FUBP1: variants seen among roughly 807,000 people sequenced by gnomAD.
The protein encoded by FUBP1 is far upstream element-binding protein 1.
Under a neutral mutation model 94.9 loss-of-function variants are expected in FUBP1, and 16 were observed. That is an observed-to-expected ratio of 0.17 (90% CI 0.11 to 0.26). The LOEUF (loss-of-function observed/expected upper bound fraction) is 0.26, where lower values mean the gene tolerates loss of function less well. Ranked by LOEUF, FUBP1 falls within the 10% of genes least tolerant of loss-of-function variation. FUBP1 has a pLI of 1.00. For missense variants in FUBP1, 583 were observed against 808.6 expected (o/e 0.72, Z 3.38); for synonymous variants, 279 against 254.9 (o/e 1.09, Z -0.90).
chr1:77,969,233 T>C, intron 2 of FUBP1: 1 of 242,756 alleles, frequency 4.1e-6, no homozygotes, highest in Non-Finnish European at 9.3e-6. Context: ...TACAAATACA[T>C]TCTATAGCCT....
intron 16 of FUBP1, among the ~76,000 whole-genome samples, chr1:77,959,581 T>C (rs867299199): frequency 1.3e-5 from 2 of 152,226 alleles, no homozygotes; most frequent in Non-Finnish European, 1.5e-5. Context: ...GATCCCATTC[T>C]GTTGCCCAGG....
At chr1:77,971,920 G>A (rs1657616757) in intron 1 of FUBP1, among the ~76,000 whole-genome samples, 1 of 149,878 alleles carries the variant, frequency 6.7e-6, no homozygotes, top group Non-Finnish European at 1.5e-5. Flanking sequence ...TGGGAGAACT[G>A]CTTGAACCCA....
chr1:77,948,142 T>C lies in FUBP1; in HGVS notation c.*624A>G, dbSNP rs1471405758. The C allele has an allele frequency of 2.0e-5, 21 of 1,040,128 alleles. No homozygotes were observed. Among genetic ancestry groups the C allele is most frequent in the East Asian group, 5.9e-5 (1 of 17,018 alleles). The allele number at this position is 1,040,128 out of a possible 1,614,324, so 64.4% of individuals were successfully genotyped here. ...GCAATGGAAGTATGCCAAAAGATCA[T>C]TGTACACACATGCAGTTTTTAATCA... On this transcript the variant is annotated 3_prime_UTR_variant, in exon 20 of 20. Coordinates refer to ENST00000370768, the MANE Select transcript of FUBP1 (RefSeq NM_003902.5).
Position 77,979,043 on chromosome 1 carries a change from T to C in FUBP1, c.-39A>G. 1 of 1,567,658 alleles carries C rather than the reference T, an allele frequency of 6.4e-7. No homozygotes were observed. Among genetic ancestry groups the C allele is most frequent in the Non-Finnish European group, 8.7e-7 (1 of 1,151,110 alleles). ...GAGCCGCTGCCGCCTGTTCAGAGAC[T>C]TCCTCTCAGCTAACAGCTAAGAAAG... On this transcript the variant is annotated 5_prime_UTR_variant, in exon 1 of 20. Transcript: ENST00000370768.
chr1:77,977,975 T>C (rs1202977901), intron 1 of FUBP1, among the ~76,000 whole-genome samples: 1 of 152,200 alleles, frequency 6.6e-6, no homozygotes, highest in Non-Finnish European at 1.5e-5. Flanking sequence ...ATCATTAGCT[T>C]AAAACTAGTA....
rs60897865 is a variant in FUBP1 at position 77,948,625 on chromosome 1, CAAA to C, written c.*138_*140del. On this transcript the variant is annotated 3_prime_UTR_variant, in exon 20 of 20. Transcript: ENST00000370768. ...TAGTGATAGATATTTTGTACATTTT[CAAA>C]AAAAAAAAAAAAAAAGGAAACACTA... The C allele has an allele frequency of 3.4e-3, 3,297 of 969,484 alleles. No homozygotes were observed. Among genetic ancestry groups the C allele is most frequent in the South Asian group, 5.8e-3 (213 of 37,024 alleles). 60.1% of individuals were successfully genotyped at this position (969,484 alleles called of 1,614,324 possible).
rs1272912046 is a variant in FUBP1, at chr1:77,945,541, C to T, written c.*3225G>A. The T allele has an allele frequency of 4.7e-6, 1 of 211,638 alleles. No homozygotes were observed. The highest frequency in any genetic ancestry group is 9.6e-6 in the Non-Finnish European group (1 of 104,342). The allele number at this position is 211,638 out of a possible 1,614,324, so 13.1% of individuals were successfully genotyped here. A position where few individuals can be genotyped will look rare whatever the true frequency, so the allele number is the denominator to read the frequency against. On this transcript the variant is annotated 3_prime_UTR_variant, in exon 20 of 20. Coordinates refer to ENST00000370768, the MANE Select transcript of FUBP1 (RefSeq NM_003902.5). ...GAGCCCTTCTATGGTCCATGCTCAT[C>T]GGCTCACCAATGGCATACACTCAAA...
At position 77,968,180 on chromosome 1, in the gene FUBP1, C is replaced by T; in HGVS notation, c.235G>A (p.Ala79Thr). 2 of 1,539,916 alleles carry T rather than the reference C, an allele frequency of 1.3e-6. No homozygotes were observed. The highest frequency in any genetic ancestry group is 1.7e-6 in the Non-Finnish European group (2 of 1,151,512). Residue 79 changes from alanine to threonine, a missense_variant, in exon 3 of 20, where the codon GCT becomes ACT. By Grantham distance (58) the Ala-to-Thr change is moderately conservative. Coordinates refer to ENST00000370768, the MANE Select transcript of FUBP1 (RefSeq NM_003902.5). ...DGDQPDAKKV[A>T]PQNDSFGTQL... The stretch of plus-strand genomic sequence containing the variant: ...GAATACTTACAGTCATTTTGAGGAG[C>T]AACTTTCTTAGCATCTGGTTGATCT...
At chr1:77,960,559 G>A (rs2102350204) in intron 14 of FUBP1, 64 bp from the exon 15 acceptor site, 1 of 1,285,412 alleles carries the variant, frequency 7.8e-7, no homozygotes, top group Non-Finnish European at 1.1e-6. Context: ...CAACTCTACG[G>A]CCAAATAATC....
chr1:77,972,654 C>T (rs1490851330), intron 1 of FUBP1, among the ~76,000 whole-genome samples: 1 of 150,502 alleles, frequency 6.6e-6, no homozygotes, highest in Non-Finnish European at 1.5e-5. Flanking sequence ...TCCAGCTACT[C>T]GGGAGGCTCA....
At chr1:77,978,181 G>C (rs1039071432) in intron 1 of FUBP1, among the ~76,000 whole-genome samples, 1 of 152,192 alleles carries the variant, frequency 6.6e-6, no homozygotes, top group Non-Finnish European at 1.5e-5. Context: ...GCTTTCGTCT[G>C]GGAAAGTGGT....
intron 4 of FUBP1, 70 bp downstream of exon 4, chr1:77,967,557 T>A: frequency 9.1e-7 from 1 of 1,099,484 alleles, no homozygotes; most frequent in Non-Finnish European, 1.4e-6. Context: ...TATACACCAA[T>A]GTGGTTGTGT....
In FUBP1 at chr1:77,963,640, G is replaced by A; in HGVS notation, c.1117C>T (p.Pro373Ser). Reference sequence around the variant, plus strand: ...AAATTAAATTCCTGTAGTCCACCAGGTGGTCCCATGTTCCAGTTGCCTTGA... The same window carrying A: ...AAATTAAATTCCTGTAGTCCACCAGATGGTCCCATGTTCCAGTTGCCTTGA... Reference protein sequence around the residue: ...RGQGNWNMGPPGGLQEFNFIV... With the variant: ...RGQGNWNMGPSGGLQEFNFIV... Residue 373 changes from proline to serine, a missense_variant, in exon 13 of 20, where the codon CCT (proline) becomes TCT (serine). Transcript: ENST00000370768. 6.2e-7 allele frequency: 1 copy of A among 1,600,814 alleles called. No individual in the cohort carries two copies. Among genetic ancestry groups the A allele is most frequent in the Non-Finnish European group, 8.6e-7 (1 of 1,167,948 alleles).
intron 16 of FUBP1, among the ~76,000 whole-genome samples, chr1:77,959,059 T>C (rs1654981480): frequency 6.6e-6 from 1 of 152,236 alleles, no homozygotes; most frequent in African/African-American, 2.4e-5. Flanking sequence ...TGCTGTGTCA[T>C]CATATTCCAA....
At chr1:77,963,234 C>G (rs940407821) in intron 13 of FUBP1, among the ~76,000 whole-genome samples, 1 of 152,058 alleles carries the variant, frequency 6.6e-6, no homozygotes, top group Non-Finnish European at 1.5e-5. Flanking sequence ...TAAACTAATA[C>G]ACTTATAAAC....
chr1:77,955,388 C>A, intron 17 of FUBP1, 59 bp from the exon 18 acceptor site: 2 of 1,028,342 alleles, frequency 1.9e-6, no homozygotes, highest in Non-Finnish European at 3.1e-6. Flanking sequence ...GCAATTTTGG[C>A]CGTTTCCTTG....
At position 77,969,911 on chromosome 1, in the gene FUBP1, AGAG is replaced by A; in HGVS notation, c.211+11_211+13del. On this transcript the variant is annotated intron_variant, in intron 2 of 19. Coordinates refer to ENST00000370768, the MANE Select transcript of FUBP1 (RefSeq NM_003902.5). ...CTCTGAAAAACAATTTAAAATACTTAGAGTATAACTTACCTCCATCTTCTAAAG... is the reference window on the plus strand; with the variant it reads ...CTCTGAAAAACAATTTAAAATACTTATATAACTTACCTCCATCTTCTAAAG... 1 of 1,156,136 alleles carries A rather than the reference AGAG, an allele frequency of 8.6e-7. No individual in the cohort carries two copies. Among genetic ancestry groups the A allele is most frequent in the Non-Finnish European group, 1.3e-6 (1 of 786,412 alleles). The allele number at this position is 1,156,136 out of a possible 1,614,324, so 71.6% of individuals were successfully genotyped here. A position where few individuals can be genotyped will look rare whatever the true frequency, so the allele number is the denominator to read the frequency against.
chr1:77,975,225 G>C (rs1658373282), intron 1 of FUBP1, among the ~76,000 whole-genome samples: 1 of 152,100 alleles, frequency 6.6e-6, no homozygotes, highest in South Asian at 2.1e-4. Context: ...AGTAAATGTT[G>C]AGTACCTACT....
In FUBP1 at chr1:77,947,571, A is replaced by G. The variant is rs1268495322; in HGVS notation, c.*1195T>C. 1 of 1,341,800 alleles carries G rather than the reference A, an allele frequency of 7.5e-7. No homozygotes were observed. The highest frequency in any genetic ancestry group is 9.8e-7 in the Non-Finnish European group (1 of 1,016,964). The allele number at this position is 1,341,800 out of a possible 1,614,324, so 83.1% of individuals were successfully genotyped here. A position where few individuals can be genotyped will look rare whatever the true frequency, so the allele number is the denominator to read the frequency against. On this transcript the variant is annotated 3_prime_UTR_variant, in exon 20 of 20. Transcript: ENST00000370768. ...ACCTGCACTTCAACAGACAATGGCA[A>G]GACAGACTGTATTTGCATGTAGTCT...
Sources: allele counts gnomAD v4.1 joint callset (sites outside exome capture counted in the v4.1 genomes callset), GRCh38; gene constraint gnomAD v4.1.1; transcripts MANE v1.5; gene names NCBI Gene and HGNC (gene_info 2026-07-23, HGNC 2026-07-21).